The following RBFOX1 variants were observed in gnomAD, a reference collection of about 807,000 sequenced individuals.
RBFOX1 encodes the protein RNA binding protein fox-1 homolog 1.
In RBFOX1, 8 loss-of-function variants were observed where a neutral mutation model predicts 57.7. That is an observed-to-expected ratio of 0.14 (90% confidence interval 0.08 to 0.25). RBFOX1 has a LOEUF of 0.25. RBFOX1 is among the 10% of genes least tolerant of loss of function. RBFOX1 has a pLI of 1.00. For synonymous variants in RBFOX1, 326 were observed against 222.4 expected, an observed-to-expected ratio of 1.47 and a Z score of -4.15; for missense variants, 611 against 548.5, an observed-to-expected ratio of 1.11 and a Z score of -1.14.
At chr16:7,077,052 A>G (rs371020827) in intron 4 of RBFOX1, among the ~76,000 whole-genome samples, 2 of 152,208 alleles carry the variant, frequency 1.3e-5, no homozygotes, top group East Asian at 3.8e-4. Flanking sequence ...TAGTTAGTGG[A>G]CGAGACCTCA....
chr16:6,938,243 G>A (rs2077703362), intron 3 of RBFOX1, among the ~76,000 whole-genome samples: 1 of 152,098 alleles, frequency 6.6e-6, no homozygotes, highest in South Asian at 2.1e-4. Context: ...TAAATATCAG[G>A]TAGGTTGCAG....
At chr16:6,922,251 T>C (rs533857367) in intron 3 of RBFOX1, among the ~76,000 whole-genome samples, 110 of 152,228 alleles carry the variant, frequency 7.2e-4, no homozygotes, top group Non-Finnish European at 1.1e-3. Context: ...CAGAAAGACC[T>C]GAGCATCCTA....
At chr16:6,782,092 C>T (rs749786744) in intron 3 of RBFOX1, among the ~76,000 whole-genome samples, 53 of 152,026 alleles carry the variant, frequency 3.5e-4, no homozygotes, top group Non-Finnish European at 7.1e-4. Context: ...CTGCAACCTC[C>T]GCCTCCTGGG....
At chr16:6,800,374 A>G (rs192175806) in intron 3 of RBFOX1, among the ~76,000 whole-genome samples, 2 of 152,246 alleles carry the variant, frequency 1.3e-5, no homozygotes, top group Admixed American at 6.5e-5. Context: ...AAGTTAAGGA[A>G]GTGGTTTCCT....
intron 4 of RBFOX1, among the ~76,000 whole-genome samples, chr16:7,054,756 T>A (rs918398377): frequency 2.0e-5 from 3 of 152,216 alleles, no homozygotes; most frequent in African/African-American, 7.2e-5. Flanking sequence ...GCAGTCAAAA[T>A]GCATTTCCAG....
At chr16:7,692,525 T>A (rs1487728799) in intron 14 of RBFOX1, among the ~76,000 whole-genome samples, 1 of 152,186 alleles carries the variant, frequency 6.6e-6, no homozygotes, top group Non-Finnish European at 1.5e-5. Context: ...CCAGAGCCCC[T>A]GTACTGCTAC....
chr16:7,136,498 C>G (rs531957007), intron 4 of RBFOX1, among the ~76,000 whole-genome samples: 2 of 149,664 alleles, frequency 1.3e-5, no homozygotes, highest in African/African-American at 5.0e-5. Flanking sequence ...CCTTAAACTC[C>G]TGGGCTAAAG....
chr16:6,742,658 C>G (rs965352348), intron 3 of RBFOX1, among the ~76,000 whole-genome samples: 3 of 152,120 alleles, frequency 2.0e-5, no homozygotes, highest in East Asian at 1.9e-4. Context: ...GCAATAAAAA[C>G]TGAATGAACT....
chr16:6,001,374 G>A (rs927917413), intron 4 of RBFOX1, among the ~76,000 whole-genome samples: 5 of 152,272 alleles, frequency 3.3e-5, no homozygotes, highest in African/African-American at 7.2e-5. Flanking sequence ...AACCACCAAT[G>A]GTGTGTGGCT....
chr16:7,072,992 A>C (rs2057632505), intron 4 of RBFOX1, among the ~76,000 whole-genome samples: 1 of 152,214 alleles, frequency 6.6e-6, no homozygotes, highest in African/African-American at 2.4e-5. Context: ...TAAGCCACTT[A>C]TGTGCAGGGT....
intron 4 of RBFOX1, among the ~76,000 whole-genome samples, chr16:6,012,426 C>T (rs1395480381): frequency 6.6e-6 from 1 of 152,094 alleles, no homozygotes; most frequent in Non-Finnish European, 1.5e-5. Flanking sequence ...AGATTTTGCC[C>T]CTTGGGGAGC....
chr16:7,678,639 A>G (rs921545678), intron 14 of RBFOX1, among the ~76,000 whole-genome samples: 3 of 152,306 alleles, frequency 2.0e-5, no homozygotes, highest in East Asian at 3.9e-4. Context: ...AAAGATTACA[A>G]AGATATGATT....
chr16:7,660,484 G>C lies in RBFOX1; in HGVS notation c.891-4445G>C, dbSNP rs1205329828. On this transcript the variant is annotated intron_variant, in intron 12 of 15. Transcript: ENST00000550418. ...CTGCATATCTTATATTTTAAGTGCA[G>C]CTGTTTGATGAGGCTTTACAAATTA... Among the ~76,000 whole-genome samples, 4 of 152,310 alleles carry C rather than the reference G, an allele frequency of 2.6e-5. No individual in the cohort carries two copies. In the East Asian group the frequency reaches 7.7e-4, roughly 29 times the overall value.
chr16:7,180,166 TTATAA>T (rs201258547), intron 4 of RBFOX1, among the ~76,000 whole-genome samples: 3,380 of 152,332 alleles, frequency 0.022, 63 homozygotes, highest in Middle Eastern at 0.034. Context: ...AGAACTATTA[TTATAA>T]TATAATAATA....
chr16:6,669,654 G>C (rs1317499516), intron 3 of RBFOX1, among the ~76,000 whole-genome samples: 1 of 152,096 alleles, frequency 6.6e-6, no homozygotes, highest in Non-Finnish European at 1.5e-5. Context: ...TCTTTTGCGT[G>C]TGTGTTTGAG....
intron 5 of RBFOX1, among the ~76,000 whole-genome samples, chr16:7,565,577 C>T (rs2091480027): frequency 6.6e-6 from 1 of 152,190 alleles, no homozygotes; most frequent in Non-Finnish European, 1.5e-5. Context: ...GCTCTTCAGT[C>T]TGCAAGAAGA....
At chr16:7,190,663 G>A (rs890348430) in intron 4 of RBFOX1, among the ~76,000 whole-genome samples, 3 of 152,132 alleles carry the variant, frequency 2.0e-5, no homozygotes, top group Non-Finnish European at 4.4e-5. Context: ...CATGAAATCA[G>A]AAATTCAGCT....
At chr16:7,318,054 G>T (rs1285025437) in intron 4 of RBFOX1, among the ~76,000 whole-genome samples, 2 of 151,758 alleles carry the variant, frequency 1.3e-5, no homozygotes, top group Admixed American at 1.3e-4. Flanking sequence ...GGTGGTGATT[G>T]TGAATGGTGA....
rs2058442693 is a variant in RBFOX1 at position 6,859,119 on chromosome 16, A to ATATATATATATATATG, written c.-15-192928_-15-192927insTATATGTATATATATA. 1.7e-4 allele frequency among the ~76,000 whole-genome samples: 14 copies of ATATATATATATATATG among 82,210 alleles called. 1 individual carries two copies. Among genetic ancestry groups the ATATATATATATATATG allele is most frequent in the African/African-American group, 1.2e-3 (14 of 11,684 alleles). The allele number at this position is 82,210 out of a possible 152,430, so 53.9% of individuals were successfully genotyped here. ...ATTGTCCTAAAAAAAGTGTATATAT[A>ATATATATATATATATG]TATATATATACATATATATACGTAT... is the stretch of plus-strand genomic sequence containing the variant. On this transcript the variant is annotated intron_variant, in intron 3 of 15. Transcript: ENST00000550418.
Sources: allele counts gnomAD v4.1 joint callset (sites outside exome capture counted in the v4.1 genomes callset), GRCh38; gene constraint gnomAD v4.1.1; transcripts MANE v1.5; gene names NCBI Gene and HGNC (gene_info 2026-07-23, HGNC 2026-07-21).